ADAM2: variants seen among roughly 807,000 people sequenced by gnomAD.
ADAM2 encodes ADAM metallopeptidase domain 2, also known as disintegrin and metalloproteinase domain-containing protein 2.
A neutral mutation model predicts 99.3 loss-of-function variants in ADAM2; 101 were observed. The observed-to-expected ratio is 1.02, with a 90% CI of 0.87 to 1.20. The LOEUF (loss-of-function observed/expected upper bound fraction) is 1.20. Ranked by LOEUF, ADAM2 falls within the 50% of genes most tolerant of loss-of-function variation. ADAM2 has a pLI of 0.00. For synonymous variants in ADAM2, 323 were observed against 287.6 expected, an observed-to-expected ratio of 1.12 and a Z score of -1.25; for missense variants, 948 against 878.7, an observed-to-expected ratio of 1.08 and a Z score of -1.00.
chr8:39,747,253 C>T (rs973484579), intron 18 of ADAM2, among the ~76,000 whole-genome samples: 1 of 152,142 alleles, frequency 6.6e-6, no homozygotes, highest in Admixed American at 6.6e-5. Context: ...TACATGCTAC[C>T]TTGATCACTT....
intron 7 of ADAM2, among the ~76,000 whole-genome samples, chr8:39,789,315 T>C (rs1194168393): frequency 6.6e-6 from 1 of 151,724 alleles, no homozygotes; most frequent in African/African-American, 2.4e-5. Context: ...CTTTCAATAA[T>C]AGAATACCTA....
intron 6 of ADAM2, among the ~76,000 whole-genome samples, chr8:39,820,091 C>T (rs1040928332): frequency 7.9e-5 from 12 of 152,068 alleles, no homozygotes; most frequent in Admixed American, 2.0e-4. Context: ...TGATCAAAGA[C>T]TTATGAAGGC....
intron 12 of ADAM2, among the ~76,000 whole-genome samples, chr8:39,768,561 A>G (rs1563345024): frequency 6.6e-6 from 1 of 152,154 alleles, no homozygotes; most frequent in Non-Finnish European, 1.5e-5. Context: ...TTAAATATCG[A>G]CCTGGATTAA....
chr8:39,793,350 T>C (rs1273104736), intron 7 of ADAM2, among the ~76,000 whole-genome samples: 2 of 152,080 alleles, frequency 1.3e-5, no homozygotes, highest in Admixed American at 1.3e-4. Context: ...AAATGGACCT[T>C]AATTGGGTTA....
At chr8:39,762,401 G>A (rs987652478) in intron 14 of ADAM2, among the ~76,000 whole-genome samples, 6 of 152,156 alleles carry the variant, frequency 3.9e-5, no homozygotes, top group African/African-American at 1.4e-4. Flanking sequence ...ACAAAAAATA[G>A]GCCAAAACAA....
At chr8:39,827,943 A>T (rs545614783) in intron 3 of ADAM2, among the ~76,000 whole-genome samples, 7 of 152,204 alleles carry the variant, frequency 4.6e-5, no homozygotes, top group Admixed American at 1.3e-4. Flanking sequence ...CACAATGTAT[A>T]CATATCTAAA....
intron 15 of ADAM2, among the ~76,000 whole-genome samples, chr8:39,757,018 G>A (rs1289267000): frequency 6.6e-6 from 1 of 152,128 alleles, no homozygotes; most frequent in Non-Finnish European, 1.5e-5. Flanking sequence ...CTTCACTTTA[G>A]TCTTCCCTCT....
At chr8:39,749,475 TATAAG>T in intron 17 of ADAM2, 25 bp from the exon 18 acceptor site, 2 of 1,601,770 alleles carry the variant, frequency 1.2e-6, no homozygotes, top group South Asian at 1.1e-5. Flanking sequence ...AATATCACCT[TATAAG>T]ATAAGCAACT....
intron 11 of ADAM2, 79 bp downstream of exon 11, chr8:39,776,946 C>T: frequency 1.1e-6 from 1 of 914,224 alleles, no homozygotes. Flanking sequence ...TATTATTTAA[C>T]AACTTAAACT....
At chr8:39,751,474 G>GTTTGTT (rs1801945073) in intron 16 of ADAM2, among the ~76,000 whole-genome samples, 3 of 151,566 alleles carry the variant, frequency 2.0e-5, no homozygotes, top group Non-Finnish European at 2.9e-5. Flanking sequence ...GGGTTTTTTT[G>GTTTGTT]TTTGTTTTTG....
At chr8:39,749,219 G>T in intron 18 of ADAM2, 93 bp downstream of exon 18, 2 of 1,161,842 alleles carry the variant, frequency 1.7e-6, no homozygotes, top group East Asian at 2.6e-5. Context: ...ACATAGTCTA[G>T]ATATAAATTG....
At chr8:39,815,267 G>T (rs1804893309) in intron 6 of ADAM2, among the ~76,000 whole-genome samples, 1 of 152,058 alleles carries the variant, frequency 6.6e-6, no homozygotes, top group Admixed American at 6.6e-5. Context: ...GTATTAAGGA[G>T]ATATGATTAT....
rs553578300 is a variant in ADAM2, at chr8:39,772,122, A to G, written c.1029-2547T>C. Among the ~76,000 whole-genome samples, 422 of 151,628 alleles carry G rather than the reference A, an allele frequency of 2.8e-3. 2 individuals are homozygous for G. The highest frequency in any genetic ancestry group is 9.9e-3 in the African/African-American group (408 of 41,402). ...GAGAGAGAACGGTAAAAAAAAAAAA[A>G]AAGAAAAGAAAGTAAAATATCAAGC... is the stretch of plus-strand genomic sequence containing the variant. On this transcript the variant is annotated intron_variant, in intron 11 of 20. Transcript: ENST00000265708.
At chr8:39,794,341 A>T (rs1803846542) in intron 7 of ADAM2, among the ~76,000 whole-genome samples, 2 of 152,200 alleles carry the variant, frequency 1.3e-5, no homozygotes, top group Non-Finnish European at 2.9e-5. Flanking sequence ...TGCTAGAAAT[A>T]TGGGAATGAA....
chr8:39,753,545 C>T (rs1166093503), intron 16 of ADAM2, among the ~76,000 whole-genome samples: 1 of 152,128 alleles, frequency 6.6e-6, no homozygotes, highest in Non-Finnish European at 1.5e-5. Context: ...CAAGGCATAT[C>T]AGAGACTTTC....
At chr8:39,795,090 T>G (rs1166600960) in intron 7 of ADAM2, among the ~76,000 whole-genome samples, 1 of 152,162 alleles carries the variant, frequency 6.6e-6, no homozygotes, top group African/African-American at 2.4e-5. Flanking sequence ...ACTTTTAAAG[T>G]TTTGCTAAGT....
In ADAM2 at chr8:39,838,198, T is replaced by C. The variant is rs1283854658; in HGVS notation, c.-13A>G. The C allele has an allele frequency of 6.2e-7, 1 of 1,614,146 alleles. No homozygotes were observed. The highest frequency in any genetic ancestry group is 1.7e-5 in the Admixed American group (1 of 60,018). On this transcript the variant is annotated 5_prime_UTR_variant, in exon 1 of 21. Transcript: ENST00000265708. Reference sequence around the variant, plus strand: ...AGACGCGCCACATGGCTTGAAGTCCTGGGTCCCAGCCGGAATAATGGCAGT... The same window carrying C: ...AGACGCGCCACATGGCTTGAAGTCCCGGGTCCCAGCCGGAATAATGGCAGT...
chr8:39,838,037 A>T, intron 1 of ADAM2, 94 bp downstream of exon 1: 1 of 1,397,530 alleles, frequency 7.2e-7, no homozygotes, highest in Non-Finnish European at 1.0e-6. Context: ...CCCCTCAGGA[A>T]AGCATCCTCC....
intron 3 of ADAM2, among the ~76,000 whole-genome samples, chr8:39,830,903 A>G (rs1266709149): frequency 6.6e-6 from 1 of 152,178 alleles, no homozygotes; most frequent in Non-Finnish European, 1.5e-5. Context: ...TCAGGCCACA[A>G]GGCTGGAACC....
Sources: gnomAD v4.1 joint callset for allele counts (sites outside exome capture counted in the v4.1 genomes callset) on GRCh38, gnomAD v4.1.1 for gene constraint, MANE v1.5 for transcripts, NCBI Gene and HGNC (gene_info 2026-07-23, HGNC 2026-07-21) for gene names.